Variants in TGM3 observed in about 807,000 individuals in gnomAD.
The protein encoded by TGM3 is protein-glutamine gamma-glutamyltransferase E.
In TGM3, 52 loss-of-function variants were observed where a neutral mutation model predicts 73.8. The observed-to-expected ratio is 0.70, with a 90% CI of 0.56 to 0.89. The LOEUF (loss-of-function observed/expected upper bound fraction) is 0.89. Ranked by LOEUF, TGM3 falls within the 40% of genes least tolerant of loss-of-function variation. TGM3 has a pLI of 0.00. For missense variants in TGM3, 928 were observed against 909.9 expected (o/e 1.02, Z -0.26); for synonymous variants, 372 against 354.9 (o/e 1.05, Z -0.54).
chr20:2,306,449 C>CTTTTTTCT (rs923857537), intron 1 of TGM3, among the ~76,000 whole-genome samples: 1 of 144,904 alleles, frequency 6.9e-6, no homozygotes, highest in African/African-American at 2.5e-5. Context: ...GAGAGGTCTT[C>CTTTTTTCT]TTTTTTCTTT....
rs563314286 is a variant in TGM3, at chr20:2,336,297, C to T, written c.1800+1024C>T. 3.9e-5 allele frequency among the ~76,000 whole-genome samples: 6 copies of T among 152,238 alleles called. No individual in the cohort carries two copies. In the South Asian group the frequency reaches 8.3e-4, roughly 21 times the overall value. On this transcript the variant is annotated intron_variant, in intron 11 of 12. Coordinates refer to ENST00000381458, the MANE Select transcript of TGM3 (RefSeq NM_003245.4). Reference sequence around the variant, plus strand: ...GGGTAAAAGGCTGGACAAGGACAGGCAGACAAACGGACAGAGAACATGAGG... The same window carrying T: ...GGGTAAAAGGCTGGACAAGGACAGGTAGACAAACGGACAGAGAACATGAGG...
At position 2,309,814 on chromosome 20, in the gene TGM3, G is replaced by T; in HGVS notation, c.165G>T (p.Glu55Asp). Residue 55 changes from glutamate to aspartate, a missense_variant, in exon 2 of 13, where the codon GAG becomes GAT. Transcript: ENST00000381458. Reference sequence around the variant, plus strand: ...GCCTTGGCTCTAACGAAAGACTGGAGTTCATTGTCTCCACAGGTACCTGCT... The same window carrying T: ...GCCTTGGCTCTAACGAAAGACTGGATTTCATTGTCTCCACAGGTACCTGCT... ...NKGLGSNERL[E>D]FIVSTGPYPS... 2 of 1,614,226 alleles carry T rather than the reference G, an allele frequency of 1.2e-6. No individual in the cohort carries two copies. Among genetic ancestry groups the T allele is most frequent in the Non-Finnish European group, 1.7e-6 (2 of 1,180,024 alleles).
chr20:2,332,044 A>T lies in TGM3; in HGVS notation c.1376A>T (p.Lys459Ile). Residue 459 changes from lysine (K) to isoleucine (I), a missense_variant, in exon 10 of 13, where the codon AAA becomes ATA. Coordinates refer to ENST00000381458, the MANE Select transcript of TGM3 (RefSeq NM_003245.4). This position sits in a 1 kb window ranked among gnomAD's most constrained non-coding sequence, Gnocchi z 4.4. ...ERQVFQKALG[K>I]LKPNTPFAAT... ...CAAGTGTTCCAAAAGGCTTTGGGGA[A>T]ACTTAAACCCAACACGCCATTTGCC... 6.2e-7 allele frequency: 1 copy of T among 1,613,710 alleles called. No individual in the cohort carries two copies. The highest frequency in any genetic ancestry group is 8.5e-7 in the Non-Finnish European group (1 of 1,179,720).
chr20:2,310,925 G>A (rs1449261603), intron 3 of TGM3, 86 bp from the exon 4 acceptor site: 19 of 1,205,318 alleles, frequency 1.6e-5, no homozygotes, highest in Middle Eastern at 1.9e-4. Context: ...CCCCCAGGCC[G>A]GTTCAGGAGT....
chr20:2,332,761 T>C lies in TGM3; in HGVS notation c.1642+451T>C, dbSNP rs111908560. Among the ~76,000 whole-genome samples, 3 of 152,324 alleles carry C rather than the reference T, an allele frequency of 2.0e-5. No homozygotes were observed. Among genetic ancestry groups the C allele is most frequent in the African/African-American group, 4.8e-5 (2 of 41,576 alleles). On this transcript the variant is annotated intron_variant, in intron 10 of 12. Transcript: ENST00000381458. The surrounding 1 kb of genome is among the most constrained non-coding windows in gnomAD (Gnocchi z 4.4). ...GTCTTGGTCCTAGGTTTCCTGATAC[T>C]GAGTCCAGAGCCACCCCCTGTTTTC... is the stretch of plus-strand genomic sequence containing the variant.
At chr20:2,336,490 T>C (rs1600710117) in intron 11 of TGM3, among the ~76,000 whole-genome samples, 1 of 151,304 alleles carries the variant, frequency 6.6e-6, no homozygotes, top group African/African-American at 2.4e-5. Context: ...CAGATAATCA[T>C]GGCTGCCCTG....
In TGM3 at chr20:2,340,004, A is replaced by C; in HGVS notation, c.1934+17A>C. 5 of 589,780 alleles carry C rather than the reference A, an allele frequency of 8.5e-6. No homozygotes were observed. The highest frequency in any genetic ancestry group is 1.3e-5 in the Non-Finnish European group (5 of 372,214). 36.5% of individuals were successfully genotyped at this position (589,780 alleles called of 1,614,324 possible). A position where few individuals can be genotyped will look rare whatever the true frequency, so the allele number is the denominator to read the frequency against. ...GAAGATCGAGTGAGTCCTGGGCCTA[A>C]GTGGCCGGTGCAGGAGGGCGGGAGG... On this transcript the variant is annotated intron_variant, in intron 12 of 12. Transcript: ENST00000381458.
intron 1 of TGM3, 108 bp from the exon 2 acceptor site, chr20:2,309,549 G>A: frequency 8.9e-7 from 1 of 1,124,210 alleles, no homozygotes; most frequent in Non-Finnish European, 1.3e-6. Context: ...ATTTGGCTCT[G>A]CCCTTGACAA....
chr20:2,330,535 C>T (rs1489640954), intron 9 of TGM3, among the ~76,000 whole-genome samples: 2 of 152,256 alleles, frequency 1.3e-5, no homozygotes, highest in Non-Finnish European at 2.9e-5. Context: ...CACCAGGGAA[C>T]TGGCCCCCTC....
intron 11 of TGM3, 131 bp from the exon 12 acceptor site, chr20:2,339,723 T>TA: frequency 7.8e-7 from 1 of 1,276,778 alleles, no homozygotes; most frequent in Non-Finnish European, 1.1e-6. Context: ...CTAGGAGGGC[T>TA]AAATGGTCTC....
chr20:2,321,188 G>C (rs2084260922), intron 7 of TGM3, among the ~76,000 whole-genome samples: 2 of 152,208 alleles, frequency 1.3e-5, no homozygotes, highest in South Asian at 4.1e-4. Context: ...ATCTGCACTG[G>C]ACTCCGGGCA....
rs1299456607 is a variant in TGM3, at chr20:2,334,955, G to C, written c.1643-161G>C. On this transcript the variant is annotated intron_variant, in intron 10 of 12. Transcript: ENST00000381458. This position sits in a 1 kb window ranked among gnomAD's most constrained non-coding sequence, Gnocchi z 4.0. ...TGCTCTGGAGCCCACCCTGACCGGGGGACGCTTCCCACAGGACCTGGCCCA... is the reference window on the plus strand; with the variant it reads ...TGCTCTGGAGCCCACCCTGACCGGGCGACGCTTCCCACAGGACCTGGCCCA... 1.3e-5 allele frequency among the ~76,000 whole-genome samples: 2 copies of C among 152,100 alleles called. No homozygotes were observed. Among genetic ancestry groups the C allele is most frequent in the African/African-American group, 2.4e-5 (1 of 41,420 alleles).
At chr20:2,306,930 A>T (rs1399131858) in intron 1 of TGM3, among the ~76,000 whole-genome samples, 1 of 152,184 alleles carries the variant, frequency 6.6e-6, no homozygotes, top group Non-Finnish European at 1.5e-5. Context: ...GTACACAGCC[A>T]TCTAGGGCTC....
chr20:2,335,198 G>A lies in TGM3; in HGVS notation c.1725G>A (p.Val575=). ...KSDNMIRITA[V]CKVPDESEVV... Reference sequence around the variant, plus strand: ...ACAACATGATCCGGATCACAGCGGTGTGCAAGGTCCCAGATGAGTCTGAGG... The same window carrying A: ...ACAACATGATCCGGATCACAGCGGTATGCAAGGTCCCAGATGAGTCTGAGG... The change falls in exon 11 of 13, where the codon GTG becomes GTA. Residue 575 remains valine, a synonymous_variant. Transcript: ENST00000381458. 1 of 1,614,246 alleles carries A rather than the reference G, an allele frequency of 6.2e-7. No individual in the cohort carries two copies. The highest frequency in any genetic ancestry group is 8.5e-7 in the Non-Finnish European group (1 of 1,180,038).
At chr20:2,311,684 G>C (rs922986398) in intron 4 of TGM3, among the ~76,000 whole-genome samples, 6 of 152,140 alleles carry the variant, frequency 3.9e-5, no homozygotes, top group African/African-American at 7.2e-5. Flanking sequence ...AAAGCACCTC[G>C]GGCGGGGTGC....
At chr20:2,300,261 G>A (rs1380803151) in intron 1 of TGM3, among the ~76,000 whole-genome samples, 2,663 of 151,358 alleles carry the variant, frequency 0.018, 75 homozygotes, top group African/African-American at 0.061. Flanking sequence ...AGAAAAGAGA[G>A]GAGAAGAGAA....
At chr20:2,323,020 C>T (rs145393605) in intron 7 of TGM3, among the ~76,000 whole-genome samples, 3,041 of 152,188 alleles carry the variant, frequency 0.02, 77 homozygotes, top group African/African-American at 0.065. Flanking sequence ...TTTTAATGAA[C>T]AGCTTTATCA....
chr20:2,320,793 C>A (rs2084258541), intron 7 of TGM3, among the ~76,000 whole-genome samples: 1 of 152,180 alleles, frequency 6.6e-6, no homozygotes, highest in Admixed American at 6.5e-5. Context: ...TATTCAGCCA[C>A]CGAGCAGCAG....
intron 11 of TGM3, among the ~76,000 whole-genome samples, chr20:2,339,084 G>A (rs1023152346): frequency 1.9e-4 from 29 of 152,266 alleles, no homozygotes; most frequent in African/African-American, 7.0e-4. Context: ...ATGGTGCACA[G>A]GGAACCTCTG....
Sources: gnomAD v4.1 joint callset for allele counts (sites outside exome capture counted in the v4.1 genomes callset) on GRCh38, gnomAD v4.1.1 for gene constraint, Gnocchi (gnomAD v3.1) non-coding constraint, MANE v1.5 for transcripts, NCBI Gene and HGNC (gene_info 2026-07-23, HGNC 2026-07-21) for gene names.